The following PCDHA3 variants were observed in gnomAD, a reference collection of about 807,000 sequenced individuals.
The protein encoded by PCDHA3 is protocadherin alpha 3.
Under a neutral mutation model 62.2 loss-of-function variants are expected in PCDHA3, and 41 were observed. The ratio of observed to expected loss-of-function variants is 0.66; its 90% CI spans 0.51 to 0.86. PCDHA3 has a LOEUF of 0.86. PCDHA3 is among the 40% of genes least tolerant of loss of function. The probability of loss-of-function intolerance (pLI) is 0.00; values close to 1 mark genes in which losing one functional copy is unlikely to be tolerated. For synonymous variants in PCDHA3, 640 were observed against 555.4 expected (o/e 1.15, Z -2.14); for missense variants, 1,304 against 1,241.2 (o/e 1.05, Z -0.76).
At chr5:140,962,280 A>C (rs1244354033) in intron 1 of PCDHA3, among the ~76,000 whole-genome samples, 1 of 152,224 alleles carries the variant, frequency 6.6e-6, no homozygotes, top group Non-Finnish European at 1.5e-5. Flanking sequence ...AAAAAACCTC[A>C]ACCTTTAATA....
rs369541654 is a variant in PCDHA3 at position 141,010,673 on chromosome 5, A to G, written c.*736A>G. On this transcript the variant is annotated 3_prime_UTR_variant, in exon 4 of 4. Coordinates refer to ENST00000522353, the MANE Select transcript of PCDHA3 (RefSeq NM_018906.3). ...TTTTAACAGAGAACCACCCTGGGAAACAGAAGCAGATCTGATGTGTTTCCT... is the reference window on the plus strand; with the variant it reads ...TTTTAACAGAGAACCACCCTGGGAAGCAGAAGCAGATCTGATGTGTTTCCT... 8.1e-4 allele frequency: 133 copies of G among 163,824 alleles called. No individual in the cohort carries two copies. Among genetic ancestry groups the G allele is most frequent in the Non-Finnish European group, 5.5e-4 (41 of 74,388 alleles). 10.1% of individuals were successfully genotyped at this position (163,824 alleles called of 1,614,324 possible). A position where few individuals can be genotyped will look rare whatever the true frequency, so the allele number is the denominator to read the frequency against.
intron 1 of PCDHA3, chr5:140,856,747 T>C (rs2044175443): frequency 2.5e-6 from 4 of 1,596,640 alleles, no homozygotes; most frequent in Non-Finnish European, 3.4e-6. Context: ...TGGTGTTAGA[T>C]GCCAATGATA....
At chr5:141,008,905 A>G (rs1212655574) in intron 3 of PCDHA3, among the ~76,000 whole-genome samples, 2 of 152,256 alleles carry the variant, frequency 1.3e-5, no homozygotes, top group African/African-American at 4.8e-5. Flanking sequence ...TAAAATTAAG[A>G]TCAAATAATT....
chr5:140,834,648 C>T (rs1554134397), intron 1 of PCDHA3: 3 of 1,614,200 alleles, frequency 1.9e-6, no homozygotes, highest in Admixed American at 1.7e-5. Flanking sequence ...TGTGAATTCT[C>T]GGATCGACCG....
Position 140,858,208 on chromosome 5 carries a change from G to A in PCDHA3, c.2394+54617G>A. 3 of 1,595,856 alleles carry A rather than the reference G, an allele frequency of 1.9e-6. 1 individual carries two copies. The highest frequency in any genetic ancestry group is 2.6e-6 in the Non-Finnish European group (3 of 1,166,438). ...CGCTGCTGCTGTACACTGCACTGAG[G>A]TGCTCGGCGGCGCCCACCGAGGGCG... On this transcript the variant is annotated intron_variant, in intron 1 of 3. Coordinates refer to ENST00000522353, the MANE Select transcript of PCDHA3 (RefSeq NM_018906.3).
At chr5:140,972,983 AGATTCTGTGCATTTGT>A (rs1169514447) in intron 1 of PCDHA3, among the ~76,000 whole-genome samples, 1 of 152,102 alleles carries the variant, frequency 6.6e-6, no homozygotes, top group Admixed American at 6.6e-5. Flanking sequence ...ATCTTAAGGT[AGATTCTGTGCATTTGT>A]GGTCGTGGTG....
chr5:140,809,882 T>G, intron 1 of PCDHA3: 1 of 234,824 alleles, frequency 4.3e-6, no homozygotes, highest in Non-Finnish European at 8.2e-6. Flanking sequence ...ATTTAACCTA[T>G]TACATATAAA....
chr5:140,904,162 A>G (rs1554191325), intron 1 of PCDHA3, among the ~76,000 whole-genome samples: 1 of 152,028 alleles, frequency 6.6e-6, no homozygotes, highest in Non-Finnish European at 1.5e-5. Context: ...CCCAGTTTGT[A>G]GTCTTTTATT....
chr5:140,902,615 G>C (rs2153477614), intron 1 of PCDHA3, among the ~76,000 whole-genome samples: 1 of 152,128 alleles, frequency 6.6e-6, no homozygotes, highest in Admixed American at 6.6e-5. Context: ...AGTTACATGG[G>C]TAAGTTATTT....
At chr5:140,894,405 CT>C (rs1198263353) in intron 1 of PCDHA3, among the ~76,000 whole-genome samples, 2 of 151,926 alleles carry the variant, frequency 1.3e-5, no homozygotes, top group African/African-American at 4.8e-5. Context: ...CTTTGCTTTT[CT>C]TTTGTAGCTA....
At chr5:140,830,508 C>T in intron 1 of PCDHA3, 1 of 1,415,164 alleles carries the variant, frequency 7.1e-7, no homozygotes, top group Non-Finnish European at 9.4e-7. Flanking sequence ...TCATAATTAA[C>T]AGTTAATTTT....
chr5:140,982,701 T>C, intron 3 of PCDHA3, 138 bp downstream of exon 3: 1 of 1,383,086 alleles, frequency 7.2e-7, no homozygotes, highest in South Asian at 1.6e-5. Flanking sequence ...CATACATGAT[T>C]TCCTTACATA....
intron 1 of PCDHA3, chr5:140,835,068 C>T: frequency 8.3e-7 from 1 of 1,210,660 alleles, no homozygotes; most frequent in Non-Finnish European, 1.1e-6. Flanking sequence ...CGTTCAATTA[C>T]TCATCACGGT....
chr5:140,968,091 C>T lies in PCDHA3; in HGVS notation c.2395-10858C>T, dbSNP rs782079016. 1.4e-5 allele frequency: 22 copies of T among 1,614,128 alleles called. No individual in the cohort carries two copies. Among genetic ancestry groups the T allele is most frequent in the Non-Finnish European group, 1.9e-5 (22 of 1,180,016 alleles). On this transcript the variant is annotated intron_variant, in intron 1 of 3. Coordinates refer to ENST00000522353, the MANE Select transcript of PCDHA3 (RefSeq NM_018906.3). ...GTCTACAACATCACGGTGACAGCCA[C>T]AGATGGGGGAATACCGCAGCTCACA...
intron 1 of PCDHA3, among the ~76,000 whole-genome samples, chr5:140,890,116 G>A (rs1290402695): frequency 6.6e-6 from 1 of 152,142 alleles, no homozygotes; most frequent in East Asian, 1.9e-4. Flanking sequence ...ATTCAATGAT[G>A]TCACTTTGGT....
Position 140,843,367 on chromosome 5 carries a change from G to A in PCDHA3, c.2394+39776G>A, listed in dbSNP as rs2150358389. The stretch of plus-strand genomic sequence containing the variant: ...AGGCTCCAAAAGCGTCATCGAGGCA[G>A]TCGGCTGGCGTTTTGGGTCCGGAAG... On this transcript the variant is annotated intron_variant, in intron 1 of 3. Coordinates refer to ENST00000522353, the MANE Select transcript of PCDHA3 (RefSeq NM_018906.3). 3 of 1,596,142 alleles carry A rather than the reference G, an allele frequency of 1.9e-6. No homozygotes were observed. In the East Asian group the frequency reaches 6.7e-5, roughly 36 times the overall value.
chr5:140,812,171 T>A (rs1765054824), intron 1 of PCDHA3: 1 of 76,674 alleles, frequency 1.3e-5, no homozygotes, highest in South Asian at 3.8e-4. Context: ...TGTTAGGAGG[T>A]TTGGATTACT....
chr5:140,807,638 C>A (rs1554124171), intron 1 of PCDHA3: 2 of 1,614,074 alleles, frequency 1.2e-6, no homozygotes, highest in Non-Finnish European at 1.7e-6. Context: ...GCTTGACTCT[C>A]GGTTTCCACT....
intron 1 of PCDHA3, among the ~76,000 whole-genome samples, chr5:140,890,662 C>T (rs75284753): frequency 0.011 from 1,622 of 152,252 alleles, 17 homozygotes; most frequent in African/African-American, 0.028. Flanking sequence ...CAAAAGTTAA[C>T]TGAAACCCTT....
Sources: allele counts gnomAD v4.1 joint callset (sites outside exome capture counted in the v4.1 genomes callset), GRCh38; gene constraint gnomAD v4.1.1; transcripts MANE v1.5; gene names NCBI Gene and HGNC (gene_info 2026-07-23, HGNC 2026-07-21).